Variants in ZNG1A observed in about 807,000 individuals in gnomAD.
ZNG1A encodes zinc-regulated GTPase metalloprotein activator 1A.
chr9:177,552 G>A, the ZNG1A span, among the ~76,000 whole-genome samples: 1 of 151,864 alleles, frequency 6.6e-6, no homozygotes, highest in African/African-American at 2.4e-5. Flanking sequence ...CAGAGAAGCA[G>A]GTGGAAAAAT....
chr9:172,281 G>A, the ZNG1A span: 7 of 1,423,018 alleles, frequency 4.9e-6, 1 homozygote, highest in Admixed American at 6.0e-5. Flanking sequence ...GTACCCTTGG[G>A]AATGTGAAAA....
the ZNG1A span, among the ~76,000 whole-genome samples, chr9:162,651 T>A: frequency 6.7e-6 from 1 of 150,018 alleles, no homozygotes; most frequent in Non-Finnish European, 1.5e-5. Context: ...CAGTAATAAG[T>A]CAATGCATTT....
chr9:153,207 GTTC>G, the ZNG1A span: 2 of 152,062 alleles, frequency 1.3e-5, no homozygotes, highest in East Asian at 1.9e-4. Context: ...AATAGATTGT[GTTC>G]TTCTTAGCAA....
At chr9:126,750 T>C in the ZNG1A span, among the ~76,000 whole-genome samples, 1 of 152,098 alleles carries the variant, frequency 6.6e-6, no homozygotes, top group Non-Finnish European at 1.5e-5. Flanking sequence ...GGGTTTGTTC[T>C]TGTTTCTCTA....
At chr9:128,862 C>A in the ZNG1A span, among the ~76,000 whole-genome samples, 1 of 150,774 alleles carries the variant, frequency 6.6e-6, no homozygotes, top group Non-Finnish European at 1.5e-5. Flanking sequence ...TTTCGTCCTA[C>A]GGGGTGTTCC....
At chr9:154,690 C>G in the ZNG1A span, 1 of 1,574,570 alleles carries the variant, frequency 6.4e-7, no homozygotes, top group Non-Finnish European at 8.6e-7. Flanking sequence ...AGGCACTTAA[C>G]ACACTTATCA....
the ZNG1A span, among the ~76,000 whole-genome samples, chr9:176,731 G>A: frequency 6.6e-6 from 1 of 151,934 alleles, no homozygotes; most frequent in Non-Finnish European, 1.5e-5. Flanking sequence ...CTGAGACAGA[G>A]GCCCTGAACA....
chr9:120,914 T>A, the ZNG1A span: 2 of 161,710 alleles, frequency 1.2e-5, no homozygotes, highest in African/African-American at 4.8e-5. Flanking sequence ...TCCTTTAGTG[T>A]GGGCTGTGCA....
At chr9:147,202 A>T in the ZNG1A span, 5 of 135,994 alleles carry the variant, frequency 3.7e-5, no homozygotes, top group Admixed American at 7.1e-5. Context: ...AAAAAAGAAC[A>T]GCAGAGGACA....
the ZNG1A span, among the ~76,000 whole-genome samples, chr9:144,923 G>A: frequency 2.0e-5 from 3 of 151,802 alleles, no homozygotes; most frequent in South Asian, 2.1e-4. Flanking sequence ...AGACATTTAT[G>A]CAGCCAAAAG....
chr9:145,122 T>G, the ZNG1A span, among the ~76,000 whole-genome samples: 1 of 148,246 alleles, frequency 6.7e-6, no homozygotes, highest in Non-Finnish European at 1.5e-5. Context: ...GTTCAACCAT[T>G]GTGGAAGTCA....
At chr9:154,706 T>C in the ZNG1A span, 2 of 1,592,942 alleles carry the variant, frequency 1.3e-6, no homozygotes, top group East Asian at 2.2e-5. Flanking sequence ...TATCATTTCG[T>C]ACCTAATTGT....
the ZNG1A span, chr9:154,456 A>G: frequency 1.9e-6 from 1 of 514,686 alleles, no homozygotes; most frequent in East Asian, 3.1e-5. Flanking sequence ...AAGACAGGAA[A>G]AGAAAGATGG....
At chr9:130,392 G>A in the ZNG1A span, among the ~76,000 whole-genome samples, 51 of 131,746 alleles carry the variant, frequency 3.9e-4, no homozygotes, top group Non-Finnish European at 6.4e-4. Context: ...TGAGAATGTC[G>A]CAAAATACGA....
chr9:129,058 C>G, the ZNG1A span, among the ~76,000 whole-genome samples: 2 of 151,164 alleles, frequency 1.3e-5, no homozygotes, highest in African/African-American at 4.9e-5. Flanking sequence ...GCTGTGGATA[C>G]CAGCACCTGT....
the ZNG1A span, among the ~76,000 whole-genome samples, chr9:163,247 C>A: frequency 2.0e-5 from 3 of 151,626 alleles, no homozygotes; most frequent in Non-Finnish European, 2.9e-5. Flanking sequence ...TATCATTGCC[C>A]AAAAGTGTTC....
chr9:144,343 C>CAGAGATAT, the ZNG1A span, among the ~76,000 whole-genome samples: 1 of 146,582 alleles, frequency 6.8e-6, no homozygotes, highest in African/African-American at 2.6e-5. Context: ...GGTACCAAAA[C>CAGAGATAT]AGAGATATAG....
the ZNG1A span, among the ~76,000 whole-genome samples, chr9:138,971 C>A: frequency 6.7e-6 from 1 of 148,750 alleles, no homozygotes; most frequent in South Asian, 2.2e-4. Flanking sequence ...TAGAGCCACC[C>A]ACTATGCCTA....
the ZNG1A span, chr9:147,751 A>AG: frequency 6.7e-6 from 1 of 148,902 alleles, no homozygotes; most frequent in Admixed American, 6.6e-5. Flanking sequence ...TTATATTGAC[A>AG]GGTCACAGAC....
Sources: allele counts gnomAD v4.1 joint callset (sites outside exome capture counted in the v4.1 genomes callset), GRCh38; gene constraint gnomAD v4.1.1; transcripts MANE v1.5; gene names NCBI Gene and HGNC (gene_info 2026-07-23, HGNC 2026-07-21).